CCDC33: variants seen among roughly 807,000 people sequenced by gnomAD.
CCDC33 encodes coiled-coil domain-containing protein 33.
CCDC33 carries 94 observed loss-of-function variants against 91.9 expected under a neutral mutation model. That is an observed-to-expected ratio of 1.02 (90% CI 0.87 to 1.21). The LOEUF (loss-of-function observed/expected upper bound fraction) is 1.21, where lower values mean the gene tolerates loss of function less well. CCDC33 is among the 50% of genes most tolerant of loss of function. The pLI is 0.00. For synonymous variants in CCDC33, 396 were observed against 374.5 expected, an observed-to-expected ratio of 1.06 and a Z score of -0.66; for missense variants, 940 against 935.5, an observed-to-expected ratio of 1.00 and a Z score of -0.06.
chr15:74,210,749 C>G (rs964389231), intron 2 of CCDC33, among the ~76,000 whole-genome samples: 8 of 152,214 alleles, frequency 5.3e-5, no homozygotes, highest in Admixed American at 4.6e-4. Context: ...CCCAGTCTCC[C>G]TTGAAGCTAG....
rs960991682 is a variant in CCDC33, at chr15:74,244,486, A to T, written c.185+338A>T. On this transcript the variant is annotated intron_variant, in intron 2 of 18. Transcript: ENST00000398814. The surrounding 1 kb of genome is among the most constrained non-coding windows in gnomAD (Gnocchi z 4.2). ...CATGGGCATGATGGTCAGATTGGGGAAGGGGAAGATTTGGGACCTGCCTCT... is the reference window on the plus strand; with the variant it reads ...CATGGGCATGATGGTCAGATTGGGGTAGGGGAAGATTTGGGACCTGCCTCT... Among the ~76,000 whole-genome samples the T allele has an allele frequency of 1.3e-5, 2 of 151,972 alleles. No homozygotes were observed. Among genetic ancestry groups the T allele is most frequent in the Non-Finnish European group, 2.9e-5 (2 of 67,964 alleles).
chr15:74,220,728 A>T (rs2074565444), intron 2 of CCDC33, among the ~76,000 whole-genome samples: 1 of 152,222 alleles, frequency 6.6e-6, no homozygotes, highest in Non-Finnish European at 1.5e-5. Context: ...CCAAGACAAG[A>T]AAATGGCTTT....
At chr15:74,285,986 G>A (rs766597845) in intron 10 of CCDC33, among the ~76,000 whole-genome samples, 9 of 152,194 alleles carry the variant, frequency 5.9e-5, no homozygotes, top group Admixed American at 1.3e-4. Context: ...GGTGGCTCAC[G>A]CCTGTAATCC....
chr15:74,226,145 G>A (rs543410723), intron 2 of CCDC33, among the ~76,000 whole-genome samples: 1 of 152,334 alleles, frequency 6.6e-6, no homozygotes, highest in Non-Finnish European at 1.5e-5. Context: ...AGGCTGGGCA[G>A]GGAGAGGAAA....
chr15:74,329,266 C>A (rs916287052), intron 11 of CCDC33, among the ~76,000 whole-genome samples: 6 of 151,958 alleles, frequency 3.9e-5, no homozygotes, highest in Non-Finnish European at 7.4e-5. Context: ...CACTTCTCAG[C>A]GTATTGTGAA....
chr15:74,294,154 G>A (rs1159437753), intron 10 of CCDC33, among the ~76,000 whole-genome samples: 3 of 152,130 alleles, frequency 2.0e-5, no homozygotes, highest in African/African-American at 4.8e-5. Context: ...AACTCTGAGC[G>A]CATCTGTACT....
At chr15:74,221,228 T>A in intron 2 of CCDC33, 1 of 976,512 alleles carries the variant, frequency 1.0e-6, no homozygotes, top group South Asian at 4.9e-5. Context: ...TTTTTTTTTT[T>A]TTTTTTTTTT....
chr15:74,308,354 GACAGACACACACAC>G (rs1451569497), intron 11 of CCDC33, among the ~76,000 whole-genome samples: 17 of 141,942 alleles, frequency 1.2e-4, no homozygotes, highest in African/African-American at 4.2e-4. Context: ...TGTGCAGACA[GACAGACACACACAC>G]ACACACACAC....
At chr15:74,306,698 G>A (rs986517863) in intron 11 of CCDC33, among the ~76,000 whole-genome samples, 1 of 152,224 alleles carries the variant, frequency 6.6e-6, no homozygotes, top group African/African-American at 2.4e-5. Flanking sequence ...TCTTAGCGGT[G>A]TGGAGGAAAG....
At chr15:74,252,334 G>A (rs1024455337) in intron 2 of CCDC33, among the ~76,000 whole-genome samples, 3 of 152,120 alleles carry the variant, frequency 2.0e-5, no homozygotes, top group Non-Finnish European at 2.9e-5. Context: ...CAGAGTGGGT[G>A]GAGGCTCACA....
At chr15:74,299,831 A>G (rs2059757783) in intron 11 of CCDC33, 1 of 152,356 alleles carries the variant, frequency 6.6e-6, no homozygotes, top group East Asian at 1.9e-4. Context: ...TCGGTCTCCC[A>G]ACTCATCATT....
intron 1 of CCDC33, chr15:74,207,755 T>C (rs1433610693): frequency 3.3e-6 from 5 of 1,535,670 alleles, no homozygotes; most frequent in South Asian, 2.4e-5. Context: ...GTCAACCTCA[T>C]GCGGGCCCGT....
At chr15:74,318,666 GC>G in intron 11 of CCDC33, 2 of 763,882 alleles carry the variant, frequency 2.6e-6, no homozygotes, top group African/African-American at 1.7e-5. Context: ...TCTGTAAGTC[GC>G]CCCCTCGCCC....
chr15:74,231,871 C>T (rs1463348021), upstream of CCDC33, among the ~76,000 whole-genome samples: 2 of 152,052 alleles, frequency 1.3e-5, no homozygotes, highest in African/African-American at 4.8e-5. Context: ...AAAAAATTAG[C>T]CGGGCGTGGT....
chr15:74,239,177 G>A (rs777250956), intron 1 of CCDC33, among the ~76,000 whole-genome samples: 7 of 151,902 alleles, frequency 4.6e-5, no homozygotes, highest in Non-Finnish European at 1.0e-4. Flanking sequence ...TCAGACACAC[G>A]GCCCTTCTAG....
chr15:74,240,527 A>G (rs1247378639), intron 1 of CCDC33, among the ~76,000 whole-genome samples: 2 of 152,146 alleles, frequency 1.3e-5, no homozygotes, highest in Non-Finnish European at 2.9e-5. Flanking sequence ...AGACATTCCC[A>G]TTGGCCAGGT....
intron 10 of CCDC33, among the ~76,000 whole-genome samples, chr15:74,282,535 G>C (rs1006889016): frequency 8.5e-5 from 13 of 152,244 alleles, no homozygotes; most frequent in Middle Eastern, 3.2e-3. Context: ...GGTGCTTTTA[G>C]AGGGATTTTA....
chr15:74,301,869 C>G (rs1447157169), intron 11 of CCDC33: 2 of 151,974 alleles, frequency 1.3e-5, no homozygotes, highest in Non-Finnish European at 2.9e-5. Flanking sequence ...TCTCCCTCCC[C>G]CCTCTCTCTC....
At chr15:74,235,744 C>A (rs1170167552), upstream of CCDC33, among the ~76,000 whole-genome samples, 1 of 152,202 alleles carries the variant, frequency 6.6e-6, no homozygotes, top group African/African-American at 2.4e-5. Flanking sequence ...GAACCATAAT[C>A]TTTGGTTCGT....
Sources: gnomAD v4.1 joint callset for allele counts (sites outside exome capture counted in the v4.1 genomes callset) on GRCh38, gnomAD v4.1.1 for gene constraint, Gnocchi (gnomAD v3.1) non-coding constraint, MANE v1.5 for transcripts, NCBI Gene and HGNC (gene_info 2026-07-23, HGNC 2026-07-21) for gene names.